Variants in NKAIN1 observed in about 807,000 individuals in gnomAD.
NKAIN1 encodes the protein sodium/potassium-transporting ATPase subunit beta-1-interacting protein 1.
In NKAIN1, 13 loss-of-function variants were observed where a neutral mutation model predicts 31.6. The ratio of observed to expected loss-of-function variants is 0.41; its 90% CI spans 0.27 to 0.65. NKAIN1 has a LOEUF of 0.65. NKAIN1 is among the 30% of genes least tolerant of loss of function. NKAIN1 has a pLI of 0.30. For synonymous variants in NKAIN1, 104 were observed against 109.0 expected (o/e 0.95, Z 0.28); for missense variants, 193 against 262.2 (o/e 0.74, Z 1.82).
chr1:31,195,463 G>A (rs1264176396), intron 1 of NKAIN1, among the ~76,000 whole-genome samples: 4 of 151,808 alleles, frequency 2.6e-5, no homozygotes, highest in Non-Finnish European at 4.4e-5. Context: ...CTGCCCTGCC[G>A]CCGCGGCTGG....
intron 1 of NKAIN1, among the ~76,000 whole-genome samples, chr1:31,224,754 G>T (rs1364296786): frequency 1.3e-5 from 2 of 152,188 alleles, no homozygotes; most frequent in South Asian, 2.1e-4. Context: ...TTCCCCACCC[G>T]GTGTCCCACC....
chr1:31,203,258 C>T (rs1247706149), intron 1 of NKAIN1, among the ~76,000 whole-genome samples: 1 of 149,522 alleles, frequency 6.7e-6, no homozygotes, highest in Non-Finnish European at 1.5e-5. Context: ...GAGCGAGATT[C>T]CATCTCAAAA....
intron 1 of NKAIN1, among the ~76,000 whole-genome samples, chr1:31,192,006 C>A (rs1474038241): frequency 6.6e-6 from 1 of 152,130 alleles, no homozygotes; most frequent in African/African-American, 2.4e-5. Flanking sequence ...GAACTCCTGG[C>A]CTCAATTAAT....
At chr1:31,194,341 CT>C (rs1645307301) in intron 1 of NKAIN1, among the ~76,000 whole-genome samples, 1 of 94,168 alleles carries the variant, frequency 1.1e-5, no homozygotes, top group Admixed American at 1.2e-4. Context: ...CCTGACCCAG[CT>C]CTTTCTTTTT....
chr1:31,180,938 T>C lies in NKAIN1; in HGVS notation c.*765A>G, dbSNP rs764564770. On this transcript the variant is annotated 3_prime_UTR_variant, in exon 7 of 7. Transcript: ENST00000373736. ...ACATAGGTCCAAGATGGAGGGGGGC[T>C]TGGAAATGGAACTCAGAGAGCAGAC... 2.0e-5 allele frequency: 3 copies of C among 152,106 alleles called. No individual in the cohort carries two copies. The highest frequency in any genetic ancestry group is 2.9e-5 in the Non-Finnish European group (2 of 68,044). The allele number at this position is 152,106 out of a possible 1,614,324, so 9.4% of individuals were successfully genotyped here.
chr1:31,236,285 AC>A (rs1289541754), intron 1 of NKAIN1, among the ~76,000 whole-genome samples: 3 of 152,042 alleles, frequency 2.0e-5, no homozygotes, highest in Admixed American at 2.0e-4. Context: ...ACCCCATGGC[AC>A]CCTCACACCT....
chr1:31,225,930 C>A (rs1280596865), intron 1 of NKAIN1, among the ~76,000 whole-genome samples: 1 of 152,216 alleles, frequency 6.6e-6, no homozygotes, highest in African/African-American at 2.4e-5. Flanking sequence ...AGCAAGGGCT[C>A]TGGACTCAGG....
intron 1 of NKAIN1, among the ~76,000 whole-genome samples, chr1:31,235,885 A>G (rs1460109942): frequency 2.0e-5 from 3 of 152,118 alleles, no homozygotes; most frequent in Admixed American, 1.3e-4. Flanking sequence ...CCCACAAAGG[A>G]CAGTCCACAA....
intron 1 of NKAIN1, among the ~76,000 whole-genome samples, chr1:31,235,296 C>A (rs980284286): frequency 1.3e-5 from 2 of 150,436 alleles, no homozygotes; most frequent in Admixed American, 1.3e-4. Context: ...AGAAAAGGCA[C>A]GGGATTAAAA....
In NKAIN1 at chr1:31,217,418, G is replaced by A. The variant is rs200314931; in HGVS notation, c.54+22076C>T. ...TGGCCTCAAGAGACCCTGCTGCTTT[G>A]GCCTCTCAAAATGCTGGGATTACTG... On this transcript the variant is annotated intron_variant, in intron 1 of 6. Transcript: ENST00000373736. 5.9e-5 allele frequency among the ~76,000 whole-genome samples: 9 copies of A among 152,212 alleles called. No homozygotes were observed. In the East Asian group the frequency reaches 1.4e-3, roughly 23 times the overall value.
At chr1:31,223,265 G>A (rs927569711) in intron 1 of NKAIN1, among the ~76,000 whole-genome samples, 2 of 151,280 alleles carry the variant, frequency 1.3e-5, no homozygotes, top group African/African-American at 4.9e-5. Flanking sequence ...AATCCCAAAT[G>A]CTCGGGAGGC....
intron 1 of NKAIN1, among the ~76,000 whole-genome samples, chr1:31,191,984 C>G (rs894453044): frequency 6.6e-6 from 1 of 152,134 alleles, no homozygotes; most frequent in African/African-American, 2.4e-5. Context: ...CTATGTTGCC[C>G]TGAGTAGTCT....
intron 1 of NKAIN1, among the ~76,000 whole-genome samples, chr1:31,236,776 GGGTT>G (rs1645695643): frequency 6.6e-6 from 1 of 152,146 alleles, no homozygotes; most frequent in Non-Finnish European, 1.5e-5. Flanking sequence ...TGGAAGAGTG[GGGTT>G]AGCTTAGCAA....
intron 1 of NKAIN1, among the ~76,000 whole-genome samples, chr1:31,196,144 C>T (rs539936248): frequency 2.6e-5 from 4 of 152,048 alleles, no homozygotes; most frequent in Non-Finnish European, 4.4e-5. Flanking sequence ...TTTGGGAGAC[C>T]GAGGTGGGTG....
chr1:31,183,357 G>A (rs768986048), intron 4 of NKAIN1, among the ~76,000 whole-genome samples: 3 of 151,518 alleles, frequency 2.0e-5, no homozygotes, highest in African/African-American at 4.9e-5. Context: ...CTGGGGCAGC[G>A]GTGAGGGAAG....
chr1:31,202,834 G>A (rs12031630), intron 1 of NKAIN1, among the ~76,000 whole-genome samples: 1 of 149,760 alleles, frequency 6.7e-6, no homozygotes. Context: ...AAAATTAGCT[G>A]GGCGTGGTGG....
chr1:31,216,978 G>A (rs1027375610), intron 1 of NKAIN1, among the ~76,000 whole-genome samples: 3 of 152,114 alleles, frequency 2.0e-5, no homozygotes, highest in African/African-American at 4.8e-5. Flanking sequence ...CGATTCTCCC[G>A]CCTCAACCTC....
intron 1 of NKAIN1, among the ~76,000 whole-genome samples, chr1:31,200,025 G>GCACA (rs3046275): frequency 0.033 from 1,637 of 49,420 alleles, 26 homozygotes; most frequent in African/African-American, 0.051. Context: ...ACACACACAC[G>GCACA]CACACACACA....
chr1:31,202,674 TAAAAAA>T lies in NKAIN1; in HGVS notation c.55-14493_55-14488del, dbSNP rs35561378. ...CCTGGGCGACAGAGGAGACTCTGTA[TAAAAAA>T]AAAAAAAAAAAAATCAGGCTGTGCA... On this transcript the variant is annotated intron_variant, in intron 1 of 6. Coordinates refer to ENST00000373736, the MANE Select transcript of NKAIN1 (RefSeq NM_024522.3). 2.6e-3 allele frequency among the ~76,000 whole-genome samples: 260 copies of T among 100,978 alleles called. 1 individual carries two copies. The highest frequency in any genetic ancestry group is 2.7e-3 in the Non-Finnish European group (145 of 53,824). 66.2% of individuals were successfully genotyped at this position (100,978 alleles called of 152,430 possible).
Sources: allele counts gnomAD v4.1 joint callset (sites outside exome capture counted in the v4.1 genomes callset), GRCh38; gene constraint gnomAD v4.1.1; transcripts MANE v1.5; gene names NCBI Gene and HGNC (gene_info 2026-07-23, HGNC 2026-07-21).